PRUNE2: variants seen among roughly 807,000 people sequenced by gnomAD.
PRUNE2 encodes protein prune homolog 2.
In PRUNE2, 164 loss-of-function variants were observed where a neutral mutation model predicts 252.0. The ratio of observed to expected loss-of-function variants is 0.65; its 90% CI spans 0.57 to 0.74. PRUNE2 has a LOEUF of 0.74. Among genes scored for constraint, PRUNE2 ranks in the 30% least tolerant of loss-of-function variants. PRUNE2 has a pLI of 0.00. For synonymous variants in PRUNE2, 1,292 were observed against 1,350.2 expected, an observed-to-expected ratio of 0.96 and a Z score of 0.94; for missense variants, 3,495 against 3,711.0, an observed-to-expected ratio of 0.94 and a Z score of 1.51.
chr9:76,770,482 A>C (rs2052974873), intron 6 of PRUNE2, among the ~76,000 whole-genome samples: 1 of 152,184 alleles, frequency 6.6e-6, no homozygotes, highest in Non-Finnish European at 1.5e-5. Context: ...ATTGAAAAGG[A>C]CTCAGGATCT....
rs200103026 is a variant in PRUNE2, at chr9:76,899,872, GAA to G, written c.36+6054_36+6055del. On this transcript the variant is annotated intron_variant, in intron 1 of 18. Transcript: ENST00000376718. ...TTATTTAAGCCAAGGAGAGCTGGAG[GAA>G]AAGCCAGAAAGAAGCTGGATAGCAG... is the stretch of plus-strand genomic sequence containing the variant. 3.1e-4 allele frequency among the ~76,000 whole-genome samples: 47 copies of G among 152,242 alleles called. No individual in the cohort carries two copies. In the East Asian group the frequency reaches 7.9e-3, roughly 26 times the overall value.
chr9:76,709,659 G>A lies in PRUNE2; in HGVS notation c.2615C>T (p.Ser872Phe). ...TCCAGGTGCAAAGATGTGATCCCTG[G>A]AGTCATTGTTTTTCTTGCCCCAGAT... is the stretch of plus-strand genomic sequence containing the variant. ...PEIWGKKNND[S>F]RDHIFAPGNP... is the part of the protein sequence containing the mutation. The change falls in exon 8 of 19, where the codon TCC (serine) becomes TTC (phenylalanine). Residue 872 changes from serine (S) to phenylalanine (F), a missense_variant. By Grantham distance (155) the Ser-to-Phe change is radical. Coordinates refer to ENST00000376718, the MANE Select transcript of PRUNE2 (RefSeq NM_015225.3). 3 of 1,613,976 alleles carry A rather than the reference G, an allele frequency of 1.9e-6. No homozygotes were observed. Among genetic ancestry groups the A allele is most frequent in the Non-Finnish European group, 2.5e-6 (3 of 1,179,896 alleles).
chr9:76,797,257 A>T (rs60190181), intron 6 of PRUNE2, among the ~76,000 whole-genome samples: 14,662 of 152,034 alleles, frequency 0.096, 1,374 homozygotes, highest in African/African-American at 0.23. Flanking sequence ...ATTGAAAAAA[A>T]ATATTTCTAT....
Position 76,706,804 on chromosome 9 carries a change from C to T in PRUNE2, c.5470G>A (p.Ala1824Thr). The T allele has an allele frequency of 6.2e-7, 1 of 1,603,628 alleles. No homozygotes were observed. The highest frequency in any genetic ancestry group is 1.1e-5 in the South Asian group (1 of 89,256). ...GCCTTCCACCACTCAGTGCTATCAG[C>T]TGAGAAGCCCAGCATTTCCAGTTGA... ...NSQLEMLGFS[A>T]DSTEWWKASP... Residue 1824 changes from alanine to threonine, a missense_variant, in exon 8 of 19, where the codon GCT becomes ACT. Coordinates refer to ENST00000376718, the MANE Select transcript of PRUNE2 (RefSeq NM_015225.3).
intron 10 of PRUNE2, among the ~76,000 whole-genome samples, 171 bp from the exon 11 acceptor site, chr9:76,652,854 T>G (rs1166154942): frequency 1.3e-5 from 2 of 152,206 alleles, no homozygotes; most frequent in Non-Finnish European, 2.9e-5. Flanking sequence ...GAATTTGGGA[T>G]GTTCAGCCAG....
At chr9:76,780,126 G>A (rs1056019159) in intron 6 of PRUNE2, among the ~76,000 whole-genome samples, 2 of 152,092 alleles carry the variant, frequency 1.3e-5, no homozygotes, top group African/African-American at 2.4e-5. Context: ...CTAAAGTAGT[G>A]CAACTAAACT....
At chr9:76,852,598 G>A (rs1027365004) in intron 2 of PRUNE2, among the ~76,000 whole-genome samples, 1 of 152,306 alleles carries the variant, frequency 6.6e-6, no homozygotes. Flanking sequence ...ACTCTGAGAG[G>A]GAGTAGTTGG....
chr9:76,684,056 C>G (rs1465680722), intron 9 of PRUNE2, among the ~76,000 whole-genome samples: 1 of 151,888 alleles, frequency 6.6e-6, no homozygotes, highest in Non-Finnish European at 1.5e-5. Flanking sequence ...AGAAAATTGA[C>G]AAATCCATCA....
chr9:76,663,483 C>T (rs910254687), intron 9 of PRUNE2, among the ~76,000 whole-genome samples: 8 of 152,276 alleles, frequency 5.3e-5, no homozygotes, highest in East Asian at 1.9e-4. Flanking sequence ...GTGGGGGACA[C>T]GACGCAGCCT....
At position 76,812,166 on chromosome 9, in the gene PRUNE2, G is replaced by A. The variant is rs554267565; in HGVS notation, c.756+11466C>T. On this transcript the variant is annotated intron_variant, in intron 6 of 18. Transcript: ENST00000376718. ...GAGAGCAAGCTCTGTGTCTCTAGCC[G>A]AATAGAAGAGAGCAGAGAGCTGGGA... Among the ~76,000 whole-genome samples the A allele has an allele frequency of 1.2e-4, 19 of 152,324 alleles. No individual in the cohort carries two copies. In the South Asian group the frequency reaches 1.9e-3, roughly 15 times the overall value.
At chr9:76,667,724 T>C (rs560380985) in intron 9 of PRUNE2, among the ~76,000 whole-genome samples, 1 of 152,326 alleles carries the variant, frequency 6.6e-6, no homozygotes, top group Non-Finnish European at 1.5e-5. Context: ...CTGCAGGACA[T>C]GGGAGGGTTG....
At chr9:76,623,182 G>T (rs1564344395) in intron 17 of PRUNE2, among the ~76,000 whole-genome samples, 1 of 152,120 alleles carries the variant, frequency 6.6e-6, no homozygotes, top group Admixed American at 6.6e-5. Flanking sequence ...TTTAAAATAG[G>T]GAAGAAACTT....
At chr9:76,716,227 T>C (rs1459363414) in intron 6 of PRUNE2, among the ~76,000 whole-genome samples, 1 of 152,224 alleles carries the variant, frequency 6.6e-6, no homozygotes, top group African/African-American at 2.4e-5. Flanking sequence ...CAAACTGTTT[T>C]AATTCTTCTG....
At chr9:76,821,128 A>G (rs1240961325) in intron 6 of PRUNE2, among the ~76,000 whole-genome samples, 2 of 152,164 alleles carry the variant, frequency 1.3e-5, no homozygotes, top group Non-Finnish European at 2.9e-5. Context: ...CCTAGACTAC[A>G]TTTAGCTAGA....
chr9:76,691,311 T>G (rs1564051443), intron 9 of PRUNE2, among the ~76,000 whole-genome samples: 1 of 152,226 alleles, frequency 6.6e-6, no homozygotes, highest in Non-Finnish European at 1.5e-5. Context: ...AGAGTCACAC[T>G]TTAAATCACT....
intron 6 of PRUNE2, among the ~76,000 whole-genome samples, chr9:76,745,538 G>A (rs2050025930): frequency 7.1e-6 from 1 of 141,052 alleles, no homozygotes; most frequent in Admixed American, 6.8e-5. Flanking sequence ...GACTCAGCAT[G>A]TTTGATGTCC....
At chr9:76,855,397 G>C (rs1195698795) in intron 1 of PRUNE2, among the ~76,000 whole-genome samples, 1 of 151,624 alleles carries the variant, frequency 6.6e-6, no homozygotes, top group Non-Finnish European at 1.5e-5. Context: ...TGTTCCAAAG[G>C]CTATATAAAA....
chr9:76,853,351 T>C (rs1204272288), intron 2 of PRUNE2, among the ~76,000 whole-genome samples: 3 of 152,170 alleles, frequency 2.0e-5, no homozygotes, highest in Non-Finnish European at 4.4e-5. Flanking sequence ...TTCTGAAAAA[T>C]TAAAAATTGT....
At position 76,713,321 on chromosome 9, in the gene PRUNE2, A is replaced by G. The variant is rs867515744; in HGVS notation, c.915+242T>C. On this transcript the variant is annotated intron_variant, in intron 7 of 18. Coordinates refer to ENST00000376718, the MANE Select transcript of PRUNE2 (RefSeq NM_015225.3). ...CCAAAGGAGAACTTGCTCTTTTGGG[A>G]ATGAGAAAGAGCTAATGTTTTGCAC... 5.9e-5 allele frequency among the ~76,000 whole-genome samples: 9 copies of G among 152,204 alleles called. No individual in the cohort carries two copies. The South Asian group carries it at 6.2e-4, about 11-fold the overall frequency.
Sources: gnomAD v4.1 joint callset for allele counts (sites outside exome capture counted in the v4.1 genomes callset) on GRCh38, gnomAD v4.1.1 for gene constraint, MANE v1.5 for transcripts, NCBI Gene and HGNC (gene_info 2026-07-23, HGNC 2026-07-21) for gene names.